Variants in FRMD8 observed in about 807,000 individuals in gnomAD.
The protein encoded by FRMD8 is FERM domain-containing protein 8.
In FRMD8, 37 loss-of-function variants were observed where a neutral mutation model predicts 54.2. That is an observed-to-expected ratio of 0.68 (90% CI 0.53 to 0.90). FRMD8 has a LOEUF of 0.90. Ranked by LOEUF, FRMD8 falls within the 40% of genes least tolerant of loss-of-function variation. The probability of loss-of-function intolerance (pLI) is 0.00; values close to 1 mark genes in which losing one functional copy is unlikely to be tolerated. For synonymous variants in FRMD8, 246 were observed against 286.9 expected (o/e 0.86, Z 1.44); for missense variants, 585 against 653.7 (o/e 0.89, Z 1.15).
the FRMD8 span, chr11:65,376,856 C>T: frequency 1.2e-6 from 2 of 1,614,240 alleles, no homozygotes; most frequent in East Asian, 2.2e-5. Context: ...GCGACAGAGC[C>T]CTTCATAGGT....
intron 10 of FRMD8, among the ~76,000 whole-genome samples, chr11:65,406,678 G>A (rs1474915444): frequency 6.6e-6 from 1 of 151,804 alleles, no homozygotes. Flanking sequence ...AGTGGCTCAC[G>A]CCTGTAATCC....
chr11:65,394,516 T>TG, intron 6 of FRMD8, 91 bp downstream of exon 6: 1 of 1,454,590 alleles, frequency 6.9e-7, no homozygotes. Flanking sequence ...TCTCGCAAGG[T>TG]GGGGGCAGGG....
intron 10 of FRMD8, among the ~76,000 whole-genome samples, chr11:65,409,618 T>G (rs1180150247): frequency 6.6e-6 from 1 of 151,958 alleles, no homozygotes; most frequent in African/African-American, 2.4e-5. Flanking sequence ...TTTAAAAGAT[T>G]AGCAGGGCAT....
chr11:65,404,573 C>T lies in FRMD8; in HGVS notation c.1072-291C>T, dbSNP rs926041657. ...GCAGCTGGCTCCCTACCCCCTCCCT[C>T]CCCACCTGCTTCTGCCCATGGAGTC... On this transcript the variant is annotated intron_variant, in intron 9 of 10. Transcript: ENST00000317568. The surrounding 1 kb of genome is among the most constrained non-coding windows in gnomAD (Gnocchi z 4.7). Among the ~76,000 whole-genome samples, 2 of 151,780 alleles carry T rather than the reference C, an allele frequency of 1.3e-5. No homozygotes were observed. The highest frequency in any genetic ancestry group is 1.3e-4 in the Admixed American group (2 of 15,224).
rs138304131 is a variant in FRMD8 at position 65,394,974 on chromosome 11, C to T, written c.581+549C>T. 2.3e-3 allele frequency among the ~76,000 whole-genome samples: 351 copies of T among 152,352 alleles called. 2 individuals carry two copies. The highest frequency in any genetic ancestry group is 8.1e-3 in the African/African-American group (337 of 41,584). On this transcript the variant is annotated intron_variant, in intron 6 of 10. Transcript: ENST00000317568. ...ATAATTCCAGTGAAGGGGCCGGACG[C>T]GGTGGCCCAGGCCTGTAATCCCAAC...
At chr11:65,368,781 T>G in the FRMD8 span, among the ~76,000 whole-genome samples, 2 of 151,998 alleles carry the variant, frequency 1.3e-5, no homozygotes, top group African/African-American at 4.8e-5. Context: ...GCCAGGATGG[T>G]CTTGATCTCC....
the FRMD8 span, chr11:65,368,068 T>C: frequency 1.9e-5 from 2 of 102,906 alleles, no homozygotes; most frequent in East Asian, 5.5e-4. Context: ...TTTTTTTTGG[T>C]GTTTTTTTTT....
intron 10 of FRMD8, among the ~76,000 whole-genome samples, chr11:65,408,354 G>A (rs974402705): frequency 5.3e-5 from 8 of 151,928 alleles, no homozygotes; most frequent in South Asian, 2.1e-4. Flanking sequence ...GATTACAGTC[G>A]TGAGCCACCG....
chr11:65,368,665 G>A, the FRMD8 span, among the ~76,000 whole-genome samples: 5 of 152,118 alleles, frequency 3.3e-5, no homozygotes, highest in Non-Finnish European at 7.4e-5. Flanking sequence ...CCGGGTTCAC[G>A]CCATTCTCCT....
the FRMD8 span, among the ~76,000 whole-genome samples, chr11:65,368,285 G>A: frequency 2.0e-5 from 3 of 151,492 alleles, no homozygotes; most frequent in Non-Finnish European, 4.4e-5. Context: ...TCTGTTGGCC[G>A]GGCTGGTCTC....
In FRMD8 at chr11:65,405,039, ATC is replaced by A. The variant is rs779582702; in HGVS notation, c.1252_1253del (p.Ser418HisfsTer96). 6.2e-7 allele frequency: 1 copy of A among 1,613,536 alleles called. No homozygotes were observed. The highest frequency in any genetic ancestry group is 1.3e-5 in the African/African-American group (1 of 75,076). The stretch of plus-strand genomic sequence containing the variant: ...AGTGTGGTGTCCAGCCGGATCCAGC[ATC>A]TCTCCACCATCGACTACGTGGAGGA... On this transcript the variant is annotated frameshift_variant, in exon 10 of 11. Coordinates refer to ENST00000317568, the MANE Select transcript of FRMD8 (RefSeq NM_031904.5). LOFTEE classifies it high-confidence loss of function.
rs1326489563 is a variant in FRMD8, at chr11:65,387,029, C to T, written c.1-8C>T. ...CCCGGTAACTGCTGTTTCTCTTTGC[C>T]TTTGCAGATGGACGGGACAGAAGGC... On this transcript the variant is annotated splice_polypyrimidine_tract_variant and splice_region_variant and intron_variant, in intron 1 of 10. Coordinates refer to ENST00000317568, the MANE Select transcript of FRMD8 (RefSeq NM_031904.5). 21 of 1,607,830 alleles carry T rather than the reference C, an allele frequency of 1.3e-5. No homozygotes were observed. The highest frequency in any genetic ancestry group is 1.8e-5 in the Non-Finnish European group (21 of 1,179,002).
chr11:65,391,891 C>T (rs1281810097), intron 3 of FRMD8, among the ~76,000 whole-genome samples: 2 of 152,150 alleles, frequency 1.3e-5, no homozygotes, highest in African/African-American at 2.4e-5. Context: ...GCCAGTAGCC[C>T]CATGTGGCCT....
chr11:65,404,790 G>C lies in FRMD8; in HGVS notation c.1072-74G>C. On this transcript the variant is annotated intron_variant, in intron 9 of 10. Transcript: ENST00000317568. The surrounding 1 kb of genome is among the most constrained non-coding windows in gnomAD (Gnocchi z 4.7). ...CCCCTGCTTCCCCAACCAGAGAGCA[G>C]AGCTCATTTCAGGCTCAGCAACAGG... 1 of 1,293,146 alleles carries C rather than the reference G, an allele frequency of 7.7e-7. No homozygotes were observed. Among genetic ancestry groups the C allele is most frequent in the African/African-American group, 1.5e-5 (1 of 68,954 alleles). 80.1% of individuals were successfully genotyped at this position (1,293,146 alleles called of 1,614,324 possible). A position where few individuals can be genotyped will look rare whatever the true frequency, so the allele number is the denominator to read the frequency against.
chr11:65,369,640 G>T, the FRMD8 span, among the ~76,000 whole-genome samples: 1 of 152,034 alleles, frequency 6.6e-6, no homozygotes, highest in Non-Finnish European at 1.5e-5. Flanking sequence ...TGAGACAGGA[G>T]AATTGCTTGA....
chr11:65,393,008 G>A (rs537985806), intron 3 of FRMD8, among the ~76,000 whole-genome samples: 1 of 152,322 alleles, frequency 6.6e-6, no homozygotes, highest in East Asian at 1.9e-4. Context: ...AGTGGGAGAG[G>A]CAGTGAGAGA....
chr11:65,386,405 C>T (rs1855730330), upstream of FRMD8, among the ~76,000 whole-genome samples: 1 of 152,250 alleles, frequency 6.6e-6, no homozygotes, highest in Admixed American at 6.5e-5. Context: ...TTCGCCAAAC[C>T]CTCTTACAGG....
the FRMD8 span, chr11:65,379,536 C>CTCAT: frequency 3.1e-6 from 5 of 1,611,302 alleles, no homozygotes; most frequent in East Asian, 8.9e-5. Flanking sequence ...AATGGGGAAG[C>CTCAT]TCATTCCCTT....
intron 7 of FRMD8, among the ~76,000 whole-genome samples, 160 bp from the exon 8 acceptor site, chr11:65,399,576 A>G (rs923525126): frequency 5.9e-5 from 9 of 151,976 alleles, no homozygotes; most frequent in African/African-American, 1.9e-4. Flanking sequence ...TGCCACCCCT[A>G]CGAAGCCTCC....
Sources: allele counts gnomAD v4.1 joint callset (sites outside exome capture counted in the v4.1 genomes callset), GRCh38; gene constraint gnomAD v4.1.1; non-coding constraint Gnocchi (gnomAD v3.1); transcripts MANE v1.5; gene names NCBI Gene and HGNC (gene_info 2026-07-23, HGNC 2026-07-21).